The following CSMD1 variants were observed in gnomAD, a reference collection of about 807,000 sequenced individuals.
The protein encoded by CSMD1 is CUB and sushi domain-containing protein 1.
Under a neutral mutation model 417.5 loss-of-function variants are expected in CSMD1, and 213 were observed. That is an observed-to-expected ratio of 0.51 (90% CI 0.46 to 0.57). The LOEUF is 0.57. CSMD1 is among the 20% of genes least tolerant of loss of function. The pLI is 0.00. For missense variants in CSMD1, 6,923 were observed against 4,529.7 expected (o/e 1.53, Z -15.17); for synonymous variants, 2,862 against 1,736.8 (o/e 1.65, Z -16.11).
At chr8:4,532,037 C>T (rs1024843599) in intron 2 of CSMD1, among the ~76,000 whole-genome samples, 2 of 150,626 alleles carry the variant, frequency 1.3e-5, no homozygotes, top group African/African-American at 4.9e-5. Flanking sequence ...CCTGCACCCC[C>T]ATTCAGTCAC....
intron 3 of CSMD1, among the ~76,000 whole-genome samples, chr8:4,271,787 G>T (rs989298965): frequency 2.6e-5 from 4 of 152,106 alleles, no homozygotes; most frequent in African/African-American, 7.2e-5. Flanking sequence ...TCCACATTAT[G>T]AATTACTCCT....
chr8:4,152,349 C>T (rs975114799), intron 3 of CSMD1, among the ~76,000 whole-genome samples: 1 of 152,006 alleles, frequency 6.6e-6, no homozygotes, highest in African/African-American at 2.4e-5. Context: ...CAGGTAGACA[C>T]GTAAGCAGGA....
chr8:3,691,303 G>A (rs565189754), intron 7 of CSMD1, among the ~76,000 whole-genome samples: 2 of 151,842 alleles, frequency 1.3e-5, no homozygotes, highest in Admixed American at 6.6e-5. Context: ...GGAGGCGGAG[G>A]TTGCAGTGAG....
At chr8:3,898,724 A>C (rs1299123503) in intron 5 of CSMD1, among the ~76,000 whole-genome samples, 1 of 152,228 alleles carries the variant, frequency 6.6e-6, no homozygotes, top group Non-Finnish European at 1.5e-5. Context: ...ATTCCTGAGC[A>C]GAAAATCCTA....
At chr8:4,205,377 C>A (rs62501362) in intron 3 of CSMD1, among the ~76,000 whole-genome samples, 15 of 152,088 alleles carry the variant, frequency 9.9e-5, no homozygotes, top group Non-Finnish European at 1.6e-4. Flanking sequence ...AAAGTGTGAA[C>A]AATTTTTTAG....
chr8:4,050,730 G>C (rs183751886), intron 3 of CSMD1, among the ~76,000 whole-genome samples: 1 of 151,998 alleles, frequency 6.6e-6, no homozygotes, highest in Non-Finnish European at 1.5e-5. Flanking sequence ...GTGAGTAAAT[G>C]AATTAAGTCA....
At chr8:4,877,627 A>G (rs770304786) in intron 1 of CSMD1, among the ~76,000 whole-genome samples, 2 of 152,032 alleles carry the variant, frequency 1.3e-5, no homozygotes, top group Non-Finnish European at 2.9e-5. Context: ...TCCTAATCCT[A>G]TATTTCCAAG....
Position 3,920,786 on chromosome 8 carries a change from G to A in CSMD1, c.818+77117C>T, listed in dbSNP as rs138169770. ...GGGTATATCCAATTTATTGATTTGCGTATGTTAAAACAACCTTGCATCCCA... is the reference window on the plus strand; with the variant it reads ...GGGTATATCCAATTTATTGATTTGCATATGTTAAAACAACCTTGCATCCCA... On this transcript the variant is annotated intron_variant, in intron 5 of 69. Transcript: ENST00000635120. Among the ~76,000 whole-genome samples the A allele has an allele frequency of 4.0e-3, 605 of 152,096 alleles. 5 individuals are homozygous for A. Among genetic ancestry groups the A allele is most frequent in the African/African-American group, 0.014 (575 of 41,514 alleles).
intron 4 of CSMD1, among the ~76,000 whole-genome samples, chr8:4,026,249 T>C (rs1473806535): frequency 1.3e-5 from 2 of 152,334 alleles, no homozygotes; most frequent in African/African-American, 4.8e-5. Flanking sequence ...AAATATGTTT[T>C]ATAAAATAAC....
At chr8:3,984,104 G>GAGCACACAGCAGATCTGATGGGGCTGT (rs1167648339) in intron 5 of CSMD1, among the ~76,000 whole-genome samples, 1 of 141,770 alleles carries the variant, frequency 7.1e-6, no homozygotes, top group Non-Finnish European at 1.6e-5. Context: ...GCTGTCAATA[G>GAGCACACAGCAGATCTGATGGGGCTGT]CAACTCTAGA....
chr8:4,491,929 G>T (rs550613234), intron 2 of CSMD1, among the ~76,000 whole-genome samples: 1 of 151,894 alleles, frequency 6.6e-6, no homozygotes, highest in East Asian at 1.9e-4. Context: ...AATATTTATA[G>T]CAGCTTTATT....
At position 3,524,097 on chromosome 8, in the gene CSMD1, C is replaced by G. The variant is rs546329094; in HGVS notation, c.1345-30371G>C. ...TACACATGCACACACGCATGCACACCCAGAGAGACATATGGACATATGTGC... is the reference window on the plus strand; with the variant it reads ...TACACATGCACACACGCATGCACACGCAGAGAGACATATGGACATATGTGC... On this transcript the variant is annotated intron_variant, in intron 10 of 69. Transcript: ENST00000635120. Among the ~76,000 whole-genome samples the G allele has an allele frequency of 6.3e-4, 88 of 140,208 alleles. No homozygotes were observed. The East Asian group carries it at 0.014, about 23-fold the overall frequency. The allele number at this position is 140,208 out of a possible 152,430, so 92.0% of individuals were successfully genotyped here. A position where few individuals can be genotyped will look rare whatever the true frequency, so the allele number is the denominator to read the frequency against.
At chr8:3,840,851 G>T (rs140911083) in intron 5 of CSMD1, among the ~76,000 whole-genome samples, 1 of 151,790 alleles carries the variant, frequency 6.6e-6, no homozygotes, top group East Asian at 1.9e-4. Context: ...CTACGTACAG[G>T]CGCCTGTGAC....
chr8:4,447,057 T>G (rs1453738302), intron 2 of CSMD1, among the ~76,000 whole-genome samples: 1 of 152,006 alleles, frequency 6.6e-6, no homozygotes, highest in Admixed American at 6.6e-5. Flanking sequence ...CTGTGTCAGG[T>G]CTGCGAGCCT....
intron 23 of CSMD1, among the ~76,000 whole-genome samples, chr8:3,319,313 C>G (rs771584679): frequency 6.6e-6 from 1 of 152,160 alleles, no homozygotes; most frequent in East Asian, 1.9e-4. Context: ...ATTAGAACCA[C>G]TGCAGAGTCT....
intron 12 of CSMD1, among the ~76,000 whole-genome samples, chr8:3,411,905 T>TGC (rs796471375): frequency 2.5e-5 from 3 of 120,198 alleles, no homozygotes; most frequent in Admixed American, 8.4e-5. Context: ...CACGTATATA[T>TGC]ACACGTATAT....
At chr8:3,667,110 C>T (rs1798733905) in intron 7 of CSMD1, among the ~76,000 whole-genome samples, 1 of 152,064 alleles carries the variant, frequency 6.6e-6, no homozygotes. Context: ...ATCTTGTAGG[C>T]ATTAGGGATA....
intron 7 of CSMD1, among the ~76,000 whole-genome samples, chr8:3,675,965 C>G (rs191915348): frequency 6.2e-4 from 94 of 152,298 alleles, no homozygotes; most frequent in African/African-American, 2.0e-3. Context: ...CAGCCCAGGC[C>G]TGCCATCTTC....
chr8:4,718,425 G>T (rs1808830973), intron 1 of CSMD1, among the ~76,000 whole-genome samples: 1 of 152,086 alleles, frequency 6.6e-6, no homozygotes, highest in African/African-American at 2.4e-5. Flanking sequence ...CTAAAACCAG[G>T]CTGATTCTTA....
Sources: gnomAD v4.1 joint callset for allele counts (sites outside exome capture counted in the v4.1 genomes callset) on GRCh38, gnomAD v4.1.1 for gene constraint, MANE v1.5 for transcripts, NCBI Gene and HGNC (gene_info 2026-07-23, HGNC 2026-07-21) for gene names.